The following NT5DC2 variants were observed in gnomAD, a reference collection of about 807,000 sequenced individuals.
NT5DC2 encodes the protein 5'-nucleotidase domain-containing protein 2.
Under a neutral mutation model 70.0 loss-of-function variants are expected in NT5DC2, and 41 were observed. The ratio of observed to expected loss-of-function variants is 0.59; its 90% CI spans 0.46 to 0.76. The LOEUF (loss-of-function observed/expected upper bound fraction) is 0.76. NT5DC2 is among the 30% of genes least tolerant of loss of function. The pLI is 0.00. For missense variants in NT5DC2, 705 were observed against 783.2 expected (o/e 0.90, Z 1.19); for synonymous variants, 299 against 310.4 (o/e 0.96, Z 0.39).
At chr3:52,527,203 C>G in intron 10 of NT5DC2, 91 bp downstream of exon 10, 1 of 1,227,136 alleles carries the variant, frequency 8.1e-7, no homozygotes, top group Non-Finnish European at 1.2e-6. Flanking sequence ...AGGAGCTGTG[C>G]TGCTTCTTCA....
At chr3:52,525,351 C>G (rs2079243349) in intron 10 of NT5DC2, 56 bp from the exon 11 acceptor site, 1 of 1,404,186 alleles carries the variant, frequency 7.1e-7, no homozygotes, top group African/African-American at 1.4e-5. Flanking sequence ...TCCACCAGTC[C>G]TCCCTCCCGA....
chr3:52,533,759 G>C lies in NT5DC2; in HGVS notation c.-22C>G, dbSNP rs2079392985. On this transcript the variant is annotated 5_prime_UTR_variant, in exon 1 of 14. Coordinates refer to ENST00000422318, the MANE Select transcript of NT5DC2 (RefSeq NM_001134231.2). The stretch of plus-strand genomic sequence containing the variant: ...CCATGCCCACCGCGCGCCGCCCGCC[G>C]CCCGCGCTGCCCTCGGCCAGCCCGC... 1 of 911,346 alleles carries C rather than the reference G, an allele frequency of 1.1e-6. No homozygotes were observed. The highest frequency in any genetic ancestry group is 5.7e-4 in the Middle Eastern group (1 of 1,756). 56.5% of individuals were successfully genotyped at this position (911,346 alleles called of 1,614,324 possible).
chr3:52,528,414 T>C (rs369145735), intron 5 of NT5DC2, 32 bp downstream of exon 5: 17 of 1,612,640 alleles, frequency 1.1e-5, no homozygotes, highest in Non-Finnish European at 1.4e-5. Context: ...CACATGTCCA[T>C]GGGGCAGGCT....
chr3:52,529,049 G>A lies in NT5DC2; in HGVS notation c.417+101C>T. On this transcript the variant is annotated intron_variant, in intron 2 of 13. Transcript: ENST00000422318. The surrounding 1 kb of genome is among the most constrained non-coding windows in gnomAD (Gnocchi z 4.1). The stretch of plus-strand genomic sequence containing the variant: ...TGCCCAGGGCAGCTGCCAGGCAAGA[G>A]GGCCAGGGGAGCCCCACGACTCAGC... 3.8e-6 allele frequency: 6 copies of A among 1,587,228 alleles called. No homozygotes were observed. Among genetic ancestry groups the A allele is most frequent in the Non-Finnish European group, 5.2e-6 (6 of 1,158,084 alleles).
chr3:52,528,134 GC>G, intron 6 of NT5DC2, 48 bp downstream of exon 6: 1 of 1,612,968 alleles, frequency 6.2e-7, no homozygotes, highest in Non-Finnish European at 8.5e-7. Context: ...TCCCACTGTG[GC>G]TGGACTTAGT....
rs140922822 is a variant in NT5DC2, at chr3:52,529,284, C to T, written c.283G>A (p.Ala95Thr). 207 of 1,613,678 alleles carry T rather than the reference C, an allele frequency of 1.3e-4. No individual in the cohort carries two copies. The highest frequency in any genetic ancestry group is 1.7e-4 in the Non-Finnish European group (195 of 1,179,986). ...TCACGCAGGCTGATCTCGTTGTTGG[C>T]GTAGATGGCTGCTGGGTTCAGGAGA... is the stretch of plus-strand genomic sequence containing the variant. ...CSLLNPAAIY[A>T]NNEISLRDVE... Residue 95 changes from alanine (A) to threonine (T), a missense_variant, in exon 2 of 14, where the codon GCC (alanine) becomes ACC (threonine). By Grantham distance (58) the Ala-to-Thr change is moderately conservative (BLOSUM62 0). Transcript: ENST00000422318. This position sits in a 1 kb window ranked among gnomAD's most constrained non-coding sequence, Gnocchi z 4.1.
At position 52,529,323 on chromosome 3, in the gene NT5DC2, G is replaced by C. The variant is rs376710546; in HGVS notation, c.244C>G (p.Pro82Ala). The change falls in exon 2 of 14, where the codon CCC becomes GCC. Residue 82 changes from proline to alanine, a missense_variant. Coordinates refer to ENST00000422318, the MANE Select transcript of NT5DC2 (RefSeq NM_001134231.2). This position sits in a 1 kb window ranked among gnomAD's most constrained non-coding sequence, Gnocchi z 4.1. ...GGGTTCAGGAGACTGCAGACCTCGG[G>C]GGGCAGGAGGTCTAGAGGAAGGAGA... ...MRRLVHDLLP[P>A]EVCSLLNPAA... 3.3e-5 allele frequency: 54 copies of C among 1,613,400 alleles called. No homozygotes were observed. Among genetic ancestry groups the C allele is most frequent in the Admixed American group, 6.7e-5 (4 of 59,972 alleles).
upstream of NT5DC2, chr3:52,534,579 G>A (rs1451627551): frequency 6.2e-7 from 1 of 1,613,804 alleles, no homozygotes; most frequent in Admixed American, 1.7e-5. Context: ...GAGATGCTGT[G>A]GTCTTTTCTA....
At chr3:52,533,929 C>A (rs1040841508), upstream of NT5DC2, 1 of 736,014 alleles carries the variant, frequency 1.4e-6, no homozygotes, top group Admixed American at 6.3e-5. Context: ...GCCCCGGACC[C>A]GGCGGGGCGG....
In NT5DC2 at chr3:52,529,092, G is replaced by C. The variant is rs1215278207; in HGVS notation, c.417+58C>G. 6.2e-7 allele frequency: 1 copy of C among 1,607,198 alleles called. No homozygotes were observed. On this transcript the variant is annotated intron_variant, in intron 2 of 13. Transcript: ENST00000422318. The surrounding 1 kb of genome is among the most constrained non-coding windows in gnomAD (Gnocchi z 4.1). ...GACTCAGCCCTGAGCTTAGGCCAAG[G>C]TGGGTCTGGCCAGCCTCCAAGCCCT...
intron 1 of NT5DC2, among the ~76,000 whole-genome samples, chr3:52,532,794 C>A (rs2079378465): frequency 6.6e-6 from 1 of 152,120 alleles, no homozygotes; most frequent in Non-Finnish European, 1.5e-5. Flanking sequence ...ACTAGACCCA[C>A]GGAGACAAGC....
At position 52,524,621 on chromosome 3, in the gene NT5DC2, G is replaced by A. The variant is rs2079208993; in HGVS notation, c.1523C>T (p.Ala508Val). The part of the protein sequence containing the change: ...RLVRFSDLYM[A>V]SLSCLLNYRV... ...GTAGTTGAGCAGGCAGCTGAGGGAG[G>A]CCATGTAGAGGTCAGAGAAGCGCAC... Residue 508 changes from alanine to valine, a missense_variant, in exon 14 of 14, where the codon GCC becomes GTC. Coordinates refer to ENST00000422318, the MANE Select transcript of NT5DC2 (RefSeq NM_001134231.2). 3 of 1,613,182 alleles carry A rather than the reference G, an allele frequency of 1.9e-6. No individual in the cohort carries two copies. Among genetic ancestry groups the A allele is most frequent in the East Asian group, 2.2e-5 (1 of 44,884 alleles).
chr3:52,534,574 G>T (rs1203145629), upstream of NT5DC2: 2 of 1,613,784 alleles, frequency 1.2e-6, no homozygotes, highest in South Asian at 2.2e-5. Flanking sequence ...CTCGTGAGAT[G>T]CTGTGGTCTT....
In NT5DC2 at chr3:52,529,488, C is replaced by G. The variant is rs1012861805; in HGVS notation, c.233-154G>C. On this transcript the variant is annotated intron_variant, in intron 1 of 13. Transcript: ENST00000422318. The surrounding 1 kb of genome is among the most constrained non-coding windows in gnomAD (Gnocchi z 4.1). ...CCAGTGCTGGAGATGGTCAAACAGG[C>G]CCAGAGAGAAGTCACTTGCCCAGGG... 6.6e-6 allele frequency among the ~76,000 whole-genome samples: 1 copy of G among 152,024 alleles called. No homozygotes were observed. The highest frequency in any genetic ancestry group is 2.4e-5 in the African/African-American group (1 of 41,350).
At chr3:52,526,124 A>C (rs1361701508) in intron 10 of NT5DC2, 1 of 152,328 alleles carries the variant, frequency 6.6e-6, no homozygotes, top group Non-Finnish European at 1.5e-5. Context: ...AACTGCCTGA[A>C]AGCTGCCAGG....
In NT5DC2 at chr3:52,527,857, G is replaced by C; in HGVS notation, c.907C>G (p.Leu303Val). Residue 303 changes from leucine (L) to valine (V), a missense_variant, in exon 8 of 14, where the codon CTC becomes GTC. Leu to Val is a conservative substitution (Grantham distance 32). Coordinates refer to ENST00000422318, the MANE Select transcript of NT5DC2 (RefSeq NM_001134231.2). ...RLVAHGKQLF[L>V]ITNSPFSFVD... ...AAGCTGAAAGGACTGTTGGTGATGAGGAACAGCTGTTTCCCATGGGCCACC... is the reference window on the plus strand; with the variant it reads ...AAGCTGAAAGGACTGTTGGTGATGACGAACAGCTGTTTCCCATGGGCCACC... 1 of 1,613,454 alleles carries C rather than the reference G, an allele frequency of 6.2e-7. No homozygotes were observed. Among genetic ancestry groups the C allele is most frequent in the Non-Finnish European group, 8.5e-7 (1 of 1,180,030 alleles).
rs1251048862 is a variant in NT5DC2, at chr3:52,527,854, T to A, written c.910A>T (p.Ile304Phe). The A allele has an allele frequency of 6.2e-7, 1 of 1,613,392 alleles. No individual in the cohort carries two copies. The highest frequency in any genetic ancestry group is 1.1e-5 in the South Asian group (1 of 91,086). The change falls in exon 8 of 14, where the codon ATC becomes TTC. Residue 304 changes from isoleucine (I) to phenylalanine (F), a missense_variant. Coordinates refer to ENST00000422318, the MANE Select transcript of NT5DC2 (RefSeq NM_001134231.2). Reference protein sequence around the residue: ...LVAHGKQLFLITNSPFSFVDK... With the variant: ...LVAHGKQLFLFTNSPFSFVDK... Reference sequence around the variant, plus strand: ...ACGAAGCTGAAAGGACTGTTGGTGATGAGGAACAGCTGTTTCCCATGGGCC... The same window carrying A: ...ACGAAGCTGAAAGGACTGTTGGTGAAGAGGAACAGCTGTTTCCCATGGGCC...
intron 1 of NT5DC2, chr3:52,532,573 C>T: frequency 1.1e-6 from 1 of 925,766 alleles, no homozygotes; most frequent in East Asian, 1.2e-4. Flanking sequence ...TTTTATCAGA[C>T]AACAAAAGCC....
intron 1 of NT5DC2, chr3:52,532,359 T>C: frequency 1.0e-6 from 1 of 985,402 alleles, no homozygotes. Context: ...ACTTCTTAAA[T>C]AACGCTGGGC....
Sources: allele counts gnomAD v4.1 joint callset (sites outside exome capture counted in the v4.1 genomes callset), GRCh38; gene constraint gnomAD v4.1.1; non-coding constraint Gnocchi (gnomAD v3.1); transcripts MANE v1.5; gene names NCBI Gene and HGNC (gene_info 2026-07-23, HGNC 2026-07-21).